Variants in LRRC53 observed in about 807,000 individuals in gnomAD.
LRRC53 encodes the protein leucine-rich repeat-containing protein 53.
In LRRC53, 25 loss-of-function variants were observed where a neutral mutation model predicts 13.6. The ratio of observed to expected loss-of-function variants is 1.83; its 90% confidence interval spans 1.34 to 2.56. LRRC53 has a LOEUF of 2.56. Ranked by LOEUF, LRRC53 falls within the 30% of genes most tolerant of loss-of-function variation. The pLI is 0.00. For synonymous variants in LRRC53, 204 were observed against 109.8 expected, an observed-to-expected ratio of 1.86 and a Z score of -5.37; for missense variants, 527 against 275.8, an observed-to-expected ratio of 1.91 and a Z score of -6.45.
At chr1:74,503,693 G>A (rs1207244956) in intron 1 of LRRC53, among the ~76,000 whole-genome samples, 1 of 152,126 alleles carries the variant, frequency 6.6e-6, no homozygotes, top group African/African-American at 2.4e-5. Flanking sequence ...AAATATAAAA[G>A]GCAAAGGAGA....
At chr1:74,525,275 C>T in the LRRC53 span, among the ~76,000 whole-genome samples, 32 of 152,244 alleles carry the variant, frequency 2.1e-4, no homozygotes, top group African/African-American at 7.5e-4. Context: ...TTCTTCTAAG[C>T]GCTTTGCGTG....
intron 4 of LRRC53, 138 bp downstream of exon 4, chr1:74,475,157 C>CACACAG (rs1491153572): frequency 2.0e-5 from 11 of 551,864 alleles, no homozygotes; most frequent in Admixed American, 3.2e-5. Flanking sequence ...CACACACACA[C>CACACAG]AGTATTTTTA....
chr1:74,511,112 T>G (rs1670193492), intron 1 of LRRC53, among the ~76,000 whole-genome samples: 1 of 152,132 alleles, frequency 6.6e-6, no homozygotes, highest in South Asian at 2.1e-4. Context: ...GGTCTGGAAC[T>G]CCTGGTGATC....
Position 74,470,955 on chromosome 1 carries a change from T to C in LRRC53, c.2667A>G (p.Pro889=), listed in dbSNP as rs1161808898. Residue 889 remains proline, a synonymous_variant, in exon 5 of 5, where the codon CCA becomes CCG. Transcript: ENST00000294635. ...CAGTAGCCCTCCTGGAATGTTGGAA[T>C]GGTAAAACATCACTTCCTGTATTTT... The part of the protein sequence containing the change: ...TWENTGSDVL[P]FQHSRRATDQ... 2.5e-6 allele frequency: 1 copy of C among 400,750 alleles called. No individual in the cohort carries two copies. Among genetic ancestry groups the C allele is most frequent in the Non-Finnish European group, 4.4e-6 (1 of 226,188 alleles). 24.8% of individuals were successfully genotyped at this position (400,750 alleles called of 1,614,324 possible).
At chr1:74,491,667 A>G (rs1201267178) in intron 1 of LRRC53, among the ~76,000 whole-genome samples, 1 of 152,202 alleles carries the variant, frequency 6.6e-6, no homozygotes, top group African/African-American at 2.4e-5. Context: ...GTATTCTTGG[A>G]AAAGTGTGTA....
intron 1 of LRRC53, among the ~76,000 whole-genome samples, chr1:74,491,436 G>C (rs993036184): frequency 2.0e-5 from 3 of 152,080 alleles, no homozygotes; most frequent in Non-Finnish European, 4.4e-5. Context: ...ACCAGATGGT[G>C]TCGATCTGTT....
intron 2 of LRRC53, among the ~76,000 whole-genome samples, chr1:74,482,479 G>T (rs1276587959): frequency 2.0e-5 from 3 of 152,272 alleles, no homozygotes; most frequent in African/African-American, 7.2e-5. Flanking sequence ...GATTAGAAAC[G>T]ATATACACAT....
In LRRC53 at chr1:74,508,986, A is replaced by G. The variant is rs540280255; in HGVS notation, c.-27+3540T>C. 2.0e-5 allele frequency among the ~76,000 whole-genome samples: 3 copies of G among 152,342 alleles called. No individual in the cohort carries two copies. The East Asian group carries it at 5.8e-4, about 29-fold the overall frequency. The stretch of plus-strand genomic sequence containing the variant: ...TTTTAAACTAAAGATAAATGTCCCT[A>G]TTTCACAGTTCTACCCACGGATGGA... On this transcript the variant is annotated intron_variant, in intron 1 of 4. Transcript: ENST00000294635.
the LRRC53 span, among the ~76,000 whole-genome samples, chr1:74,518,849 T>C: frequency 3.3e-5 from 4 of 120,880 alleles, no homozygotes; most frequent in Admixed American, 8.0e-5. Flanking sequence ...TACTTTATTT[T>C]TTATTTTATT....
intron 1 of LRRC53, among the ~76,000 whole-genome samples, chr1:74,509,490 A>G (rs573041926): frequency 1.3e-5 from 2 of 152,326 alleles, no homozygotes; most frequent in South Asian, 2.1e-4. Context: ...AATGATTTTC[A>G]TTTTATTTTA....
chr1:74,512,731 T>A (rs1670291571), upstream of LRRC53: 1 of 152,198 alleles, frequency 6.6e-6, no homozygotes, highest in African/African-American at 2.4e-5. Flanking sequence ...TCATCAGAAG[T>A]CCACTGAGTG....
chr1:74,504,321 C>G (rs925532108), intron 1 of LRRC53, among the ~76,000 whole-genome samples: 2 of 152,158 alleles, frequency 1.3e-5, no homozygotes, highest in Non-Finnish European at 2.9e-5. Flanking sequence ...TGCTCTCTAA[C>G]GCCATCTAGC....
In LRRC53 at chr1:74,469,674, T is replaced by C. The variant is rs1420772888; in HGVS notation, c.*204A>G. The stretch of plus-strand genomic sequence containing the variant: ...TTAGAGAAGCATACTCAGTTAATTG[T>C]GTCAGACGTATCCTATGACTCCATC... On this transcript the variant is annotated 3_prime_UTR_variant, in exon 5 of 5. Coordinates refer to ENST00000294635, the MANE Select transcript of LRRC53 (RefSeq NM_001382280.1). The C allele has an allele frequency of 5.3e-6, 2 of 380,720 alleles. No homozygotes were observed. The highest frequency in any genetic ancestry group is 9.3e-6 in the Non-Finnish European group (2 of 214,964). 23.6% of individuals were successfully genotyped at this position (380,720 alleles called of 1,614,324 possible).
chr1:74,469,578 CT>C lies in LRRC53; in HGVS notation c.*299del, dbSNP rs3835392. 0.66 allele frequency: 136,687 copies of C among 207,724 alleles called. 45,442 individuals are homozygous for C. Among genetic ancestry groups the C allele is most frequent in the African/African-American group, 0.88 (37,691 of 42,734 alleles). 12.9% of individuals were successfully genotyped at this position (207,724 alleles called of 1,614,324 possible). A position where few individuals can be genotyped will look rare whatever the true frequency, so the allele number is the denominator to read the frequency against. On this transcript the variant is annotated 3_prime_UTR_variant, in exon 5 of 5. Transcript: ENST00000294635. ...TATGTAGTTTTTCATTTGTTTAAGG[CT>C]TTTTTTTTTTCAATGTTTGCTTGCT...
At chr1:74,482,988 AT>A (rs986154903) in intron 2 of LRRC53, among the ~76,000 whole-genome samples, 71 of 152,350 alleles carry the variant, frequency 4.7e-4, no homozygotes, top group African/African-American at 1.6e-3. Flanking sequence ...AAAGTGATAT[AT>A]TTGTTAAGTG....
upstream of LRRC53, among the ~76,000 whole-genome samples, chr1:74,516,273 G>A (rs1205503284): frequency 6.6e-6 from 1 of 152,146 alleles, no homozygotes; most frequent in Non-Finnish European, 1.5e-5. Context: ...CCATTTGTTT[G>A]TTCACTCATC....
At chr1:74,491,096 C>T (rs1330821461) in intron 1 of LRRC53, among the ~76,000 whole-genome samples, 1 of 152,084 alleles carries the variant, frequency 6.6e-6, no homozygotes, top group African/African-American at 2.4e-5. Context: ...CTGGGATACA[C>T]ATTTTAGAAG....
the LRRC53 span, among the ~76,000 whole-genome samples, chr1:74,531,189 C>T: frequency 0.011 from 1,716 of 152,182 alleles, 17 homozygotes; most frequent in Non-Finnish European, 0.018. Flanking sequence ...AACCTCTGGC[C>T]CCATTAAATG....
chr1:74,530,848 A>T, the LRRC53 span, among the ~76,000 whole-genome samples: 1 of 152,022 alleles, frequency 6.6e-6, no homozygotes, highest in Non-Finnish European at 1.5e-5. Flanking sequence ...TGGTTTGCTC[A>T]GCTGACTCAT....
Sources: gnomAD v4.1 joint callset for allele counts (sites outside exome capture counted in the v4.1 genomes callset) on GRCh38, gnomAD v4.1.1 for gene constraint, MANE v1.5 for transcripts, NCBI Gene and HGNC (gene_info 2026-07-23, HGNC 2026-07-21) for gene names.